CSMD1: variants seen among roughly 807,000 people sequenced by gnomAD.
CSMD1 encodes the protein CUB and Sushi multiple domains 1.
Under a neutral mutation model 417.5 loss-of-function variants are expected in CSMD1, and 213 were observed. That is an observed-to-expected ratio of 0.51 (90% CI 0.46 to 0.57). CSMD1 has a LOEUF of 0.57. Ranked by LOEUF, CSMD1 falls within the 20% of genes least tolerant of loss-of-function variation. The probability of loss-of-function intolerance (pLI) is 0.00; values close to 1 mark genes in which losing one functional copy is unlikely to be tolerated. For synonymous variants in CSMD1, 2,862 were observed against 1,736.8 expected, an observed-to-expected ratio of 1.65 and a Z score of -16.11; for missense variants, 6,923 against 4,529.7, an observed-to-expected ratio of 1.53 and a Z score of -15.17.
intron 3 of CSMD1, among the ~76,000 whole-genome samples, chr8:4,303,628 G>C (rs1364041833): frequency 6.6e-6 from 1 of 151,830 alleles, no homozygotes; most frequent in Non-Finnish European, 1.5e-5. Flanking sequence ...TTCTACCAGA[G>C]GTGACTGGGA....
intron 5 of CSMD1, among the ~76,000 whole-genome samples, chr8:3,927,585 A>T (rs943498179): frequency 6.6e-5 from 10 of 152,132 alleles, no homozygotes; most frequent in Non-Finnish European, 1.3e-4. Context: ...GAATCGCTTG[A>T]AACTGGAAGG....
chr8:3,450,457 C>T (rs1303863295), intron 12 of CSMD1, among the ~76,000 whole-genome samples: 5 of 150,792 alleles, frequency 3.3e-5, no homozygotes, highest in Admixed American at 6.6e-5. Flanking sequence ...GCTATCCCTC[C>T]CCCCTCCCCA....
intron 8 of CSMD1, 147 bp from the exon 9 acceptor site, chr8:3,586,407 T>C (rs1314417188): frequency 3.0e-6 from 2 of 660,964 alleles, no homozygotes; most frequent in Non-Finnish European, 4.8e-6. Flanking sequence ...GTAGTATGTA[T>C]AGAGGCAACC....
chr8:3,797,521 A>T (rs900531550), intron 5 of CSMD1, among the ~76,000 whole-genome samples: 10 of 151,974 alleles, frequency 6.6e-5, no homozygotes, highest in African/African-American at 2.4e-4. Flanking sequence ...ATGGAATTAT[A>T]TATTAGGCAA....
intron 3 of CSMD1, among the ~76,000 whole-genome samples, chr8:4,111,316 A>G (rs1363962864): frequency 2.0e-5 from 3 of 152,230 alleles, no homozygotes; most frequent in Admixed American, 6.5e-5. Flanking sequence ...ATGGCTGAAG[A>G]AAGAATCTGC....
chr8:3,813,704 TCA>T lies in CSMD1; in HGVS notation c.819-59664_819-59663del, dbSNP rs375953142. On this transcript the variant is annotated intron_variant, in intron 5 of 69. Coordinates refer to ENST00000635120, the MANE Select transcript of CSMD1 (RefSeq NM_033225.6). ...CCTGTACTTTCCAATATTCAACTAT[TCA>T]CTCCTCCTATACCAAATGGTCCATG... Among the ~76,000 whole-genome samples the T allele has an allele frequency of 3.6e-3, 548 of 152,320 alleles. 3 individuals carry two copies. Among genetic ancestry groups the T allele is most frequent in the African/African-American group, 0.013 (533 of 41,570 alleles).
chr8:3,931,162 A>AT (rs1810109933), intron 5 of CSMD1, among the ~76,000 whole-genome samples: 1 of 150,730 alleles, frequency 6.6e-6, no homozygotes, highest in Admixed American at 6.6e-5. Flanking sequence ...CATCGTCTGC[A>AT]TCTTTTAAAG....
chr8:3,722,771 G>C (rs1309534349), intron 6 of CSMD1, among the ~76,000 whole-genome samples: 1 of 152,216 alleles, frequency 6.6e-6, no homozygotes, highest in Non-Finnish European at 1.5e-5. Flanking sequence ...CTAGTCGTTA[G>C]CAGAATGCAC....
At chr8:3,981,020 C>G (rs1472354444) in intron 5 of CSMD1, among the ~76,000 whole-genome samples, 1 of 152,208 alleles carries the variant, frequency 6.6e-6, no homozygotes, top group East Asian at 1.9e-4. Flanking sequence ...CAAGGTTCAA[C>G]TATCCTGTAG....
At chr8:3,162,371 TG>T in intron 37 of CSMD1, 94 bp from the exon 38 acceptor site, 1 of 804,252 alleles carries the variant, frequency 1.2e-6, no homozygotes, top group South Asian at 1.5e-5. Context: ...GCTCTCCTTC[TG>T]TAGAAATGAA....
At chr8:4,282,288 C>T (rs1036366715) in intron 3 of CSMD1, among the ~76,000 whole-genome samples, 2 of 152,122 alleles carry the variant, frequency 1.3e-5, no homozygotes, top group Non-Finnish European at 2.9e-5. Context: ...ACAGATAGAA[C>T]TGATGAAGCT....
chr8:4,040,537 T>C (rs1235354696), intron 3 of CSMD1, among the ~76,000 whole-genome samples: 2 of 152,304 alleles, frequency 1.3e-5, no homozygotes, highest in South Asian at 2.1e-4. Flanking sequence ...GAAGAGGTGA[T>C]GATAAAGTGT....
chr8:3,494,261 A>G (rs934189715), intron 10 of CSMD1, among the ~76,000 whole-genome samples: 9 of 152,176 alleles, frequency 5.9e-5, no homozygotes, highest in African/African-American at 2.2e-4. Flanking sequence ...TACAAAGAAT[A>G]CTTTGTCATG....
intron 23 of CSMD1, among the ~76,000 whole-genome samples, chr8:3,312,295 T>C (rs1805412126): frequency 6.6e-6 from 1 of 152,248 alleles, no homozygotes; most frequent in Admixed American, 6.5e-5. Context: ...CGTAGTTTTC[T>C]CTTTATATGA....
At chr8:3,232,853 T>C (rs1798922004) in intron 26 of CSMD1, among the ~76,000 whole-genome samples, 1 of 152,134 alleles carries the variant, frequency 6.6e-6, no homozygotes, top group Admixed American at 6.6e-5. Flanking sequence ...AATTTCAGTA[T>C]GTATTTAGTT....
intron 19 of CSMD1, among the ~76,000 whole-genome samples, chr8:3,368,456 C>T (rs1234353998): frequency 6.6e-6 from 1 of 152,140 alleles, no homozygotes; most frequent in Non-Finnish European, 1.5e-5. Context: ...CCTGACTCTG[C>T]CCCCAGAGTA....
intron 3 of CSMD1, among the ~76,000 whole-genome samples, chr8:4,303,435 T>G (rs1798087517): frequency 4.9e-4 from 4 of 8,232 alleles, no homozygotes; most frequent in East Asian, 4.6e-3. Context: ...TTTTTTTTTT[T>G]TTTTTTTTTT....
chr8:3,948,851 T>A (rs1164821683), intron 5 of CSMD1, among the ~76,000 whole-genome samples: 1 of 152,160 alleles, frequency 6.6e-6, no homozygotes, highest in Non-Finnish European at 1.5e-5. Context: ...GGTATCCAAT[T>A]TTCAATGTTC....
At chr8:3,422,457 T>G (rs187408988) in intron 12 of CSMD1, among the ~76,000 whole-genome samples, 45 of 152,276 alleles carry the variant, frequency 3.0e-4, no homozygotes, top group African/African-American at 9.9e-4. Context: ...AAAAATATCA[T>G]GTGCATTTCA....
Sources: allele counts gnomAD v4.1 joint callset (sites outside exome capture counted in the v4.1 genomes callset), GRCh38; gene constraint gnomAD v4.1.1; transcripts MANE v1.5; gene names NCBI Gene and HGNC (gene_info 2026-07-23, HGNC 2026-07-21).